INO80: variants seen among roughly 807,000 people sequenced by gnomAD.
The protein encoded by INO80 is chromatin-remodeling ATPase INO80.
Under a neutral mutation model 203.4 loss-of-function variants are expected in INO80, and 20 were observed. The observed-to-expected ratio is 0.10, with a 90% confidence interval of 0.07 to 0.14. The LOEUF (loss-of-function observed/expected upper bound fraction) is 0.14, where lower values mean the gene tolerates loss of function less well. INO80 is among the 10% of genes least tolerant of loss of function. The pLI is 1.00. For missense variants in INO80, 1,419 were observed against 1,914.4 expected, an observed-to-expected ratio of 0.74 and a Z score of 4.83; for synonymous variants, 726 against 685.2, an observed-to-expected ratio of 1.06 and a Z score of -0.93.
chr15:41,101,572 CAG>C (rs2045807825), intron 1 of INO80, among the ~76,000 whole-genome samples: 1 of 146,982 alleles, frequency 6.8e-6, no homozygotes, highest in Non-Finnish European at 1.5e-5. Context: ...TTTTTTGAGA[CAG>C]AGTCTTGCTC....
At chr15:41,097,297 T>A (rs2045739984) in intron 1 of INO80, among the ~76,000 whole-genome samples, 2 of 151,510 alleles carry the variant, frequency 1.3e-5, no homozygotes, top group African/African-American at 4.8e-5. Context: ...CCACCCACCT[T>A]GGCCTCCCAA....
rs1486201298 is a variant in INO80, at chr15:41,085,547, T to C, written c.695A>G (p.Asp232Gly). The change falls in exon 7 of 36, where the codon GAT (aspartate) becomes GGT (glycine). Residue 232 changes from aspartate (D) to glycine (G), a missense_variant. By Grantham distance (94) the Asp-to-Gly change is moderately conservative. This residue lies in a region of INO80 where 323 missense variants were observed against 325.4 expected (regional missense o/e 0.99). Coordinates refer to ENST00000648947, the MANE Select transcript of INO80 (RefSeq NM_017553.3). ...GGATTCTTCAGAGGAAAGTTCTTCA[T>C]CTCTTCGTCTTTTTTTCTTCACTTT... Reference protein sequence around the residue: ...LKKVKKKRRRDEELSSEESPR... With the variant: ...LKKVKKKRRRGEELSSEESPR... 3 of 1,614,028 alleles carry C rather than the reference T, an allele frequency of 1.9e-6. No homozygotes were observed. Among genetic ancestry groups the C allele is most frequent in the Non-Finnish European group, 2.5e-6 (3 of 1,180,018 alleles).
rs1428390175 is a variant in INO80 at position 41,074,551 on chromosome 15, C to T, written c.1146G>A (p.Gln382=). The T allele has an allele frequency of 6.2e-7, 1 of 1,609,524 alleles. No individual in the cohort carries two copies. The highest frequency in any genetic ancestry group is 8.5e-7 in the Non-Finnish European group (1 of 1,177,908). ...DEEMREAKRQ[Q]RKLNFLITQT... is the part of the protein sequence containing the mutation. ...GGGTAATTAAGAAGTTGAGTTTTCG[C>T]TGTTGCCTCTTGGCCTAAAGAGGGA... Residue 382 remains glutamine (Q), a synonymous_variant, in exon 10 of 36, where the codon CAG becomes CAA. Coordinates refer to ENST00000648947, the MANE Select transcript of INO80 (RefSeq NM_017553.3).
At chr15:41,047,375 G>A (rs777344562) in intron 23 of INO80, 33 bp downstream of exon 23, 1 of 1,335,080 alleles carries the variant, frequency 7.5e-7, no homozygotes, top group East Asian at 2.3e-5. Context: ...ATTCCTAACT[G>A]GCCTCTTATC....
Position 41,033,891 on chromosome 15 carries a change from T to TA in INO80, c.2908-6156dup, listed in dbSNP as rs958446420. On this transcript the variant is annotated intron_variant, in intron 24 of 35. Transcript: ENST00000648947. ...GCTAGAGTAGAAACCCTATCTCTAC[T>TA]AAAAAAAAAAATACAAAAAAATTAG... 4.0e-3 allele frequency among the ~76,000 whole-genome samples: 577 copies of TA among 144,652 alleles called. 3 individuals carry two copies. The highest frequency in any genetic ancestry group is 0.014 in the South Asian group (65 of 4,510). The allele number at this position is 144,652 out of a possible 152,430, so 94.9% of individuals were successfully genotyped here. A position where few individuals can be genotyped will look rare whatever the true frequency, so the allele number is the denominator to read the frequency against.
At chr15:41,051,742 C>A (rs1465238933) in intron 19 of INO80, among the ~76,000 whole-genome samples, 1 of 152,096 alleles carries the variant, frequency 6.6e-6, no homozygotes, top group Non-Finnish European at 1.5e-5. Context: ...ATCACGAAGT[C>A]AAGAGATCGA....
chr15:41,001,694 C>T (rs1363982632), intron 28 of INO80, among the ~76,000 whole-genome samples: 2 of 152,194 alleles, frequency 1.3e-5, no homozygotes, highest in Non-Finnish European at 2.9e-5. Context: ...CCCGTCAGGA[C>T]ATCCTGGCCA....
chr15:41,073,135 T>C lies in INO80; in HGVS notation c.1395+293A>G, dbSNP rs7165119. Among the ~76,000 whole-genome samples the C allele has an allele frequency of 2.8e-3, 427 of 152,172 alleles. 1 individual carries two copies. The highest frequency in any genetic ancestry group is 9.7e-3 in the African/African-American group (401 of 41,510). ...ACATTTCATACTGTATTGCCCATGATTACTCAAGAGAAAGAAAAAAAAATA... is the reference window on the plus strand; with the variant it reads ...ACATTTCATACTGTATTGCCCATGACTACTCAAGAGAAAGAAAAAAAAATA... On this transcript the variant is annotated intron_variant, in intron 11 of 35. Transcript: ENST00000648947.
chr15:41,084,839 T>C (rs1196160488), intron 7 of INO80, among the ~76,000 whole-genome samples: 3 of 152,178 alleles, frequency 2.0e-5, no homozygotes, highest in Non-Finnish European at 4.4e-5. Context: ...TCCTGGGCTC[T>C]ATCTATCCTG....
At chr15:40,986,999 G>A in intron 31 of INO80, 92 bp downstream of exon 31, 1 of 676,634 alleles carries the variant, frequency 1.5e-6, no homozygotes, top group East Asian at 2.6e-5. Flanking sequence ...CCTAAATACA[G>A]CCTCTGGCTT....
At chr15:41,062,057 T>C (rs2045120999) in intron 14 of INO80, among the ~76,000 whole-genome samples, 1 of 151,862 alleles carries the variant, frequency 6.6e-6, no homozygotes, top group Non-Finnish European at 1.5e-5. Context: ...CAGGAAGAAA[T>C]GAAGATTAAT....
At chr15:40,988,550 C>A (rs929229299) in intron 29 of INO80, among the ~76,000 whole-genome samples, 2 of 152,106 alleles carry the variant, frequency 1.3e-5, no homozygotes, top group African/African-American at 2.4e-5. Flanking sequence ...TGTACCACTG[C>A]ACTCCAGCCT....
chr15:41,046,373 C>T (rs1302723713), intron 23 of INO80, among the ~76,000 whole-genome samples: 3 of 147,942 alleles, frequency 2.0e-5, no homozygotes, highest in East Asian at 4.0e-4. Flanking sequence ...GAAACAGGCG[C>T]GTGGCACCAT....
intron 10 of INO80, among the ~76,000 whole-genome samples, chr15:41,073,989 TAA>T (rs1173162043): frequency 6.6e-6 from 1 of 152,132 alleles, no homozygotes; most frequent in Non-Finnish European, 1.5e-5. Flanking sequence ...TGTGATCACA[TAA>T]AGACAACTGA....
In INO80 at chr15:40,982,957, G is replaced by A. The variant is rs759521691; in HGVS notation, c.4358C>T (p.Thr1453Met). The A allele has an allele frequency of 1.5e-5, 24 of 1,614,066 alleles. No individual in the cohort carries two copies. Among genetic ancestry groups the A allele is most frequent in the East Asian group, 8.9e-5 (4 of 44,898 alleles). ...GAGKGRSRKS[T>M]AGSAAAMAGA... ...TGCCATTGCAGCAGCACTGCCTGCC[G>A]TGGACTTTCGGCTCCGGCCCTTCCC... The change falls in exon 35 of 36, where the codon ACG becomes ATG. Residue 1453 changes from threonine to methionine, a missense_variant. This residue lies in a region of INO80 where 214 missense variants were observed against 248.9 expected (regional missense o/e 0.86). Coordinates refer to ENST00000648947, the MANE Select transcript of INO80 (RefSeq NM_017553.3).
intron 12 of INO80, among the ~76,000 whole-genome samples, 184 bp downstream of exon 12, chr15:41,071,665 T>C (rs1192556894): frequency 6.6e-6 from 1 of 151,652 alleles, no homozygotes; most frequent in Non-Finnish European, 1.5e-5. Context: ...TTCACCATGT[T>C]GGTCAGGCTG....
chr15:41,075,041 G>A (rs1454279362), intron 9 of INO80, among the ~76,000 whole-genome samples: 1 of 152,022 alleles, frequency 6.6e-6, no homozygotes, highest in Non-Finnish European at 1.5e-5. Context: ...CTGGCACAAT[G>A]AATAACTTTC....
At chr15:41,105,491 T>G (rs937687624) in intron 1 of INO80, among the ~76,000 whole-genome samples, 7 of 152,094 alleles carry the variant, frequency 4.6e-5, no homozygotes, top group African/African-American at 1.7e-4. Flanking sequence ...TGAGCTTAAC[T>G]AACTCGCCCA....
Position 41,096,042 on chromosome 15 carries a change from TA to T in INO80, c.144-115del, listed in dbSNP as rs2045718687. The T allele has an allele frequency of 2.1e-6, 3 of 1,419,450 alleles. No individual in the cohort carries two copies. In the South Asian group the frequency reaches 4.3e-5, roughly 20 times the overall value. 87.9% of individuals were successfully genotyped at this position (1,419,450 alleles called of 1,614,324 possible). On this transcript the variant is annotated intron_variant, in intron 2 of 35. Transcript: ENST00000648947. ...TTCCTCTGAAATAAATTGACTTTTT[TA>T]TTTGAAAGAGGCAAAAGAAAATATC...
Sources: allele counts gnomAD v4.1 joint callset (sites outside exome capture counted in the v4.1 genomes callset), GRCh38; gene constraint gnomAD v4.1.1; regional missense constraint gnomAD v4.1.1; transcripts MANE v1.5; gene names NCBI Gene and HGNC (gene_info 2026-07-23, HGNC 2026-07-21).